The following THADA variants were observed in gnomAD, a reference collection of about 807,000 sequenced individuals.
THADA encodes the protein tRNA (32-2'-O)-methyltransferase regulator THADA.
THADA carries 213 observed loss-of-function variants against 219.8 expected under a neutral mutation model. The ratio of observed to expected loss-of-function variants is 0.97; its 90% CI spans 0.87 to 1.09. THADA has a LOEUF of 1.09. Ranked by LOEUF, THADA falls within the 50% of genes least tolerant of loss-of-function variation. THADA has a pLI of 0.00. For missense variants in THADA, 2,956 were observed against 2,311.3 expected, an observed-to-expected ratio of 1.28 and a Z score of -5.72; for synonymous variants, 1,018 against 828.9, an observed-to-expected ratio of 1.23 and a Z score of -3.92.
At chr2:43,567,605 C>A (rs992997273) in intron 14 of THADA, among the ~76,000 whole-genome samples, 2 of 152,040 alleles carry the variant, frequency 1.3e-5, no homozygotes, top group Non-Finnish European at 2.9e-5. Context: ...CTGGCCTGGG[C>A]GAAAGAGCGA....
At chr2:43,368,458 G>A (rs756315974) in intron 29 of THADA, among the ~76,000 whole-genome samples, 2 of 152,066 alleles carry the variant, frequency 1.3e-5, no homozygotes, top group Non-Finnish European at 2.9e-5. Context: ...GTGCAGTGGT[G>A]TGATCATAGC....
chr2:43,479,168 A>C (rs1047443559), intron 26 of THADA, among the ~76,000 whole-genome samples: 1 of 152,220 alleles, frequency 6.6e-6, no homozygotes, highest in Non-Finnish European at 1.5e-5. Flanking sequence ...CTTTGAGAAA[A>C]TTAACTTCAT....
At chr2:43,515,071 A>G (rs1691245569) in intron 22 of THADA, among the ~76,000 whole-genome samples, 1 of 32,044 alleles carries the variant, frequency 3.1e-5, no homozygotes, top group South Asian at 8.8e-4. Context: ...TATATTTTAT[A>G]TATAATATAT....
chr2:43,395,798 C>T (rs1427279089), intron 29 of THADA, among the ~76,000 whole-genome samples: 1 of 152,220 alleles, frequency 6.6e-6, no homozygotes, highest in Non-Finnish European at 1.5e-5. Context: ...GCTGCCCAGG[C>T]TGGAGGGCAG....
chr2:43,371,820 C>T (rs779446126), intron 29 of THADA: 1 of 151,910 alleles, frequency 6.6e-6, no homozygotes, highest in South Asian at 2.1e-4. Context: ...TTAGAGGGTC[C>T]GCTATTTCCC....
chr2:43,292,979 G>A lies in THADA; in HGVS notation c.4673C>T (p.Ser1558Leu), dbSNP rs1313757059. 2.5e-6 allele frequency: 4 copies of A among 1,613,896 alleles called. No homozygotes were observed. The highest frequency in any genetic ancestry group is 4.5e-5 in the East Asian group (2 of 44,894). ...TTCCAAGAGGGCTTCCAGTGTTAGT[G>A]AGCGCACTTCAGGGAAGGCAGATTC... ...LLESAFPEVR[S>L]LTLEALLEKF... Residue 1558 changes from serine to leucine, a missense_variant, in exon 32 of 38, where the codon TCA becomes TTA. Physicochemically the swap from Ser to Leu is moderately radical, Grantham distance 145 (BLOSUM62 -2). Coordinates refer to ENST00000405975, the MANE Select transcript of THADA (RefSeq NM_022065.5).
intron 27 of THADA, among the ~76,000 whole-genome samples, chr2:43,429,107 G>GC (rs1678887802): frequency 2.7e-5 from 4 of 146,384 alleles, no homozygotes; most frequent in African/African-American, 9.9e-5. Flanking sequence ...ATGTGTGTGT[G>GC]TTTTTTTTTT....
At chr2:43,379,900 G>A (rs1377582966) in intron 29 of THADA, among the ~76,000 whole-genome samples, 2 of 152,294 alleles carry the variant, frequency 1.3e-5, no homozygotes, top group East Asian at 3.9e-4. Context: ...AATATTAAAT[G>A]TATTTTGCTA....
At chr2:43,392,384 T>G (rs138459991) in intron 29 of THADA, among the ~76,000 whole-genome samples, 1 of 152,066 alleles carries the variant, frequency 6.6e-6, no homozygotes, top group Non-Finnish European at 1.5e-5. Flanking sequence ...TCCAGTAGAG[T>G]TGACACTTAA....
Position 43,432,663 on chromosome 2 carries a change from C to A in THADA, c.3837-2361G>T, listed in dbSNP as rs188221139. Among the ~76,000 whole-genome samples the A allele has an allele frequency of 1.2e-4, 19 of 152,256 alleles. No homozygotes were observed. In the East Asian group the frequency reaches 3.7e-3, roughly 29 times the overall value. On this transcript the variant is annotated intron_variant, in intron 26 of 37. Transcript: ENST00000405975. Reference sequence around the variant, plus strand: ...TAAGGTAGATTTCTGATGGAGATTTCTACAGTCCTTTGAACATTTGCTGTT... The same window carrying A: ...TAAGGTAGATTTCTGATGGAGATTTATACAGTCCTTTGAACATTTGCTGTT...
At chr2:43,291,919 C>A in intron 33 of THADA, 151 bp from the exon 34 acceptor site, 1 of 794,518 alleles carries the variant, frequency 1.3e-6, no homozygotes. Context: ...AAGCAATTAC[C>A]TTTTGGTTAT....
intron 26 of THADA, among the ~76,000 whole-genome samples, chr2:43,460,100 T>G (rs943921273): frequency 1.3e-5 from 2 of 152,024 alleles, no homozygotes; most frequent in Non-Finnish European, 2.9e-5. Context: ...AACAAGGACC[T>G]TGTCAGATCA....
chr2:43,389,130 A>T (rs2104685218), intron 29 of THADA, among the ~76,000 whole-genome samples: 1 of 152,302 alleles, frequency 6.6e-6, no homozygotes, highest in South Asian at 2.1e-4. Context: ...GGAGGCACAG[A>T]AATTAAGTAA....
intron 29 of THADA, among the ~76,000 whole-genome samples, chr2:43,381,059 C>T (rs111804691): frequency 2.3e-5 from 3 of 133,038 alleles, no homozygotes; most frequent in African/African-American, 8.6e-5. Flanking sequence ...GATCGTGCCA[C>T]TACACTCCAG....
At chr2:43,410,579 TAAC>T (rs2104758057) in intron 28 of THADA, among the ~76,000 whole-genome samples, 1 of 152,200 alleles carries the variant, frequency 6.6e-6, no homozygotes, top group East Asian at 1.9e-4. Context: ...CGGATATACC[TAAC>T]AACATGGCTG....
At chr2:43,332,751 G>A (rs746606208) in intron 30 of THADA, among the ~76,000 whole-genome samples, 17 of 152,190 alleles carry the variant, frequency 1.1e-4, no homozygotes, top group Non-Finnish European at 1.8e-4. Context: ...CAACACCCCA[G>A]TAAGCCAACA....
intron 21 of THADA, among the ~76,000 whole-genome samples, chr2:43,535,161 A>AT (rs1367973836): frequency 2.7e-5 from 2 of 74,102 alleles, no homozygotes; most frequent in African/African-American, 1.1e-4. Flanking sequence ...TGTTCAGATC[A>AT]TTTGTCCTTT....
intron 16 of THADA, 85 bp from the exon 17 acceptor site, chr2:43,556,640 G>A: frequency 7.6e-7 from 1 of 1,307,204 alleles, no homozygotes; most frequent in Non-Finnish European, 1.0e-6. Flanking sequence ...AACACAGCCT[G>A]GAGCTGAGTA....
At chr2:43,443,930 G>T (rs907199756) in intron 26 of THADA, among the ~76,000 whole-genome samples, 5 of 150,708 alleles carry the variant, frequency 3.3e-5, no homozygotes, top group African/African-American at 1.2e-4. Flanking sequence ...CCCTTGGCAT[G>T]ATCCGTTCAT....
Sources: gnomAD v4.1 joint callset for allele counts (sites outside exome capture counted in the v4.1 genomes callset) on GRCh38, gnomAD v4.1.1 for gene constraint, MANE v1.5 for transcripts, NCBI Gene and HGNC (gene_info 2026-07-23, HGNC 2026-07-21) for gene names.